Variants in SLCO3A1 observed in about 807,000 individuals in gnomAD.
The protein encoded by SLCO3A1 is solute carrier organic anion transporter family member 3A1, also known as PGE1 transporter.
Under a neutral mutation model 63.1 loss-of-function variants are expected in SLCO3A1, and 27 were observed. That is an observed-to-expected ratio of 0.43 (90% CI 0.32 to 0.59). The LOEUF (loss-of-function observed/expected upper bound fraction) is 0.59, where lower values mean the gene tolerates loss of function less well. SLCO3A1 is among the 20% of genes least tolerant of loss of function. SLCO3A1 has a pLI of 0.09. For synonymous variants in SLCO3A1, 473 were observed against 409.9 expected (o/e 1.15, Z -1.86); for missense variants, 773 against 945.8 (o/e 0.82, Z 2.40).
downstream of SLCO3A1, among the ~76,000 whole-genome samples, chr15:92,167,533 C>T (rs577357818): frequency 1.3e-5 from 2 of 152,352 alleles, no homozygotes; most frequent in African/African-American, 4.8e-5. Context: ...CTGCTACTCT[C>T]ACAACAGCCG....
intron 2 of SLCO3A1, among the ~76,000 whole-genome samples, chr15:91,931,883 C>T (rs1220182276): frequency 6.6e-6 from 1 of 151,938 alleles, no homozygotes; most frequent in Middle Eastern, 3.2e-3. Context: ...AAAAGCCAAG[C>T]ATGTTCTTTT....
chr15:91,992,312 C>T (rs533591909), intron 2 of SLCO3A1, among the ~76,000 whole-genome samples: 47 of 152,308 alleles, frequency 3.1e-4, no homozygotes, highest in African/African-American at 1.0e-3. Context: ...ACGCTGCTAA[C>T]GATGAGCACT....
At chr15:92,126,765 T>G (rs1343390306) in intron 6 of SLCO3A1, among the ~76,000 whole-genome samples, 1 of 152,138 alleles carries the variant, frequency 6.6e-6, no homozygotes, top group Non-Finnish European at 1.5e-5. Flanking sequence ...ACCACTTTTC[T>G]TTCTTCCTAG....
intron 4 of SLCO3A1, among the ~76,000 whole-genome samples, chr15:92,118,846 G>T (rs1244699467): frequency 6.6e-6 from 1 of 152,154 alleles, no homozygotes; most frequent in South Asian, 2.1e-4. Context: ...CTTTATGATC[G>T]CAGCAGCACA....
intron 2 of SLCO3A1, among the ~76,000 whole-genome samples, chr15:92,064,243 G>A (rs2047121596): frequency 1.3e-5 from 2 of 152,132 alleles, no homozygotes; most frequent in South Asian, 4.1e-4. Context: ...AGAGGTAGTT[G>A]GGAAATGTTT....
chr15:91,961,679 C>T (rs964533289), intron 2 of SLCO3A1, among the ~76,000 whole-genome samples: 2 of 152,228 alleles, frequency 1.3e-5, no homozygotes, highest in Non-Finnish European at 2.9e-5. Context: ...GAGGCCTTCC[C>T]TGAATACCCT....
chr15:91,867,037 A>T (rs999175276), intron 1 of SLCO3A1, among the ~76,000 whole-genome samples: 6 of 152,250 alleles, frequency 3.9e-5, no homozygotes, highest in Admixed American at 3.3e-4. Flanking sequence ...GAAACCTGGG[A>T]TGGAGAAGGG....
chr15:91,984,526 G>C (rs1264449300), intron 2 of SLCO3A1, among the ~76,000 whole-genome samples: 2 of 152,128 alleles, frequency 1.3e-5, no homozygotes, highest in African/African-American at 4.8e-5. Context: ...TAAAGGTTGT[G>C]ATAAGTACCA....
chr15:91,940,804 G>A (rs556602117), intron 2 of SLCO3A1, among the ~76,000 whole-genome samples: 55 of 152,150 alleles, frequency 3.6e-4, no homozygotes, highest in Non-Finnish European at 6.9e-4. Context: ...GTGAGTGAGT[G>A]GTGAATGAGC....
intron 2 of SLCO3A1, among the ~76,000 whole-genome samples, chr15:91,955,428 G>T (rs1900139259): frequency 6.6e-6 from 1 of 152,026 alleles, no homozygotes; most frequent in African/African-American, 2.4e-5. Flanking sequence ...CACCTCCCGG[G>T]TTCAACCAGT....
intron 1 of SLCO3A1, among the ~76,000 whole-genome samples, chr15:91,893,546 A>C (rs1897928071): frequency 6.6e-6 from 1 of 152,142 alleles, no homozygotes; most frequent in African/African-American, 2.4e-5. Context: ...CACTAATCCC[A>C]TTCATGAGGG....
intron 2 of SLCO3A1, among the ~76,000 whole-genome samples, chr15:92,078,584 C>CCTTTGCCCAGGCTGTTCCTG (rs1160317762): frequency 1.4e-4 from 21 of 152,156 alleles, no homozygotes; most frequent in African/African-American, 4.6e-4. Context: ...CACACCTCTG[C>CCTTTGCCCAGGCTGTTCCTG]CTTTGCCCAG....
At chr15:92,081,824 A>C (rs1351660528) in intron 2 of SLCO3A1, among the ~76,000 whole-genome samples, 3 of 152,190 alleles carry the variant, frequency 2.0e-5, no homozygotes, top group Non-Finnish European at 4.4e-5. Context: ...GCTTCATCAC[A>C]ATCTCCAGGA....
Position 92,164,740 on chromosome 15 carries a change from G to A in SLCO3A1, c.*1605G>A, listed in dbSNP as rs3169130. 0.63 allele frequency: 616,827 copies of A among 984,994 alleles called. 194,292 individuals carry two copies. The highest frequency in any genetic ancestry group is 0.74 in the Middle Eastern group (1,409 of 1,914). 61.0% of individuals were successfully genotyped at this position (984,994 alleles called of 1,614,324 possible). A position where few individuals can be genotyped will look rare whatever the true frequency, so the allele number is the denominator to read the frequency against. The stretch of plus-strand genomic sequence containing the variant: ...TTGTCTGTGTGTTTTGAAGGTGGGT[G>A]AACCTCAGAGAATGAACCTGTTATG... On this transcript the variant is annotated 3_prime_UTR_variant, in exon 10 of 10. Transcript: ENST00000318445.
intron 2 of SLCO3A1, among the ~76,000 whole-genome samples, chr15:92,016,254 T>TTAGATAGATAGATAGATAGATAGATAGA: frequency 1.0e-5 from 1 of 95,708 alleles, no homozygotes; most frequent in East Asian, 4.7e-4. Context: ...GATAGATAGA[T>TTAGATAGATAGATAGATAGATAGATAGA]TAGATAGATA....
intron 2 of SLCO3A1, among the ~76,000 whole-genome samples, chr15:91,930,075 G>A (rs1223790045): frequency 6.6e-6 from 1 of 152,148 alleles, no homozygotes; most frequent in Non-Finnish European, 1.5e-5. Flanking sequence ...GTTAAACTCA[G>A]TAAATCCATA....
chr15:91,958,123 TAAG>T (rs1417993379), intron 2 of SLCO3A1, among the ~76,000 whole-genome samples: 4 of 152,192 alleles, frequency 2.6e-5, no homozygotes, highest in African/African-American at 9.7e-5. Flanking sequence ...TTGAAAAAAT[TAAG>T]AAATTTAGGT....
In SLCO3A1 at chr15:92,164,197, T is replaced by C. The variant is rs1056568964; in HGVS notation, c.*1062T>C. 6.3e-5 allele frequency: 62 copies of C among 985,254 alleles called. No homozygotes were observed. Among genetic ancestry groups the C allele is most frequent in the Non-Finnish European group, 7.1e-5 (59 of 829,864 alleles). 61.0% of individuals were successfully genotyped at this position (985,254 alleles called of 1,614,324 possible). A position where few individuals can be genotyped will look rare whatever the true frequency, so the allele number is the denominator to read the frequency against. ...GGTTGCTTTTACTTTTTTTCTCCTT[T>C]TTTAATGCACCAAAAATATGTGATA... On this transcript the variant is annotated 3_prime_UTR_variant, in exon 10 of 10. Coordinates refer to ENST00000318445, the MANE Select transcript of SLCO3A1 (RefSeq NM_013272.4).
chr15:92,172,196 T>C (rs756860226), exon 11 of SLCO3A1: 1 of 224,322 alleles, frequency 4.5e-6, no homozygotes, highest in Non-Finnish European at 8.7e-6. Context: ...AACTCCCCTC[T>C]TGGGAATGCT....
Sources: allele counts gnomAD v4.1 joint callset (sites outside exome capture counted in the v4.1 genomes callset), GRCh38; gene constraint gnomAD v4.1.1; transcripts MANE v1.5; gene names NCBI Gene and HGNC (gene_info 2026-07-23, HGNC 2026-07-21).